Variants in SH3TC2 observed in about 807,000 individuals in gnomAD.
SH3TC2 encodes the protein SH3 domain and tetratricopeptide repeats 2, also known as SH3 domain and tetratricopeptide repeat-containing protein 2.
Under a neutral mutation model 124.5 loss-of-function variants are expected in SH3TC2, and 87 were observed. That is an observed-to-expected ratio of 0.70 (90% CI 0.59 to 0.84). The LOEUF (loss-of-function observed/expected upper bound fraction) is 0.84. SH3TC2 is among the 40% of genes least tolerant of loss of function. SH3TC2 has a pLI of 0.00. For synonymous variants in SH3TC2, 634 were observed against 628.5 expected (o/e 1.01, Z -0.13); for missense variants, 1,536 against 1,566.4 (o/e 0.98, Z 0.33).
intron 12 of SH3TC2, among the ~76,000 whole-genome samples, chr5:149,018,967 C>A (rs1260518728): frequency 1.3e-5 from 2 of 152,242 alleles, no homozygotes; most frequent in Non-Finnish European, 2.9e-5. Context: ...CAGAAGCCTG[C>A]CACTTCTTCC....
intron 9 of SH3TC2, among the ~76,000 whole-genome samples, chr5:149,029,136 C>G (rs568774147): frequency 6.6e-6 from 1 of 152,250 alleles, no homozygotes; most frequent in Non-Finnish European, 1.5e-5. Flanking sequence ...GCACAGAACA[C>G]GTGGGAGCAC....
rs1369676482 is a variant in SH3TC2 at position 148,986,532 on chromosome 5, G to A, written c.*18179C>T. Among the ~76,000 whole-genome samples, 1 of 152,172 alleles carries A rather than the reference G, an allele frequency of 6.6e-6. No individual in the cohort carries two copies. Among genetic ancestry groups the A allele is most frequent in the African/African-American group, 2.4e-5 (1 of 41,434 alleles). On this transcript the variant is annotated 3_prime_UTR_variant, in exon 17 of 17. Transcript: ENST00000515425. The stretch of plus-strand genomic sequence containing the variant: ...ACCCTTTGTGAGTTAAGATCTGCCA[G>A]GGTAGCAACCTCCATCAACTACATT...
chr5:149,012,841 A>C, intron 12 of SH3TC2, 107 bp from the exon 13 acceptor site: 13 of 1,268,406 alleles, frequency 1.0e-5, no homozygotes, highest in Non-Finnish European at 1.5e-5. Flanking sequence ...CATGTCCCAC[A>C]TCACACAGGG....
rs148831039 is a variant in SH3TC2 at position 149,006,940 on chromosome 5, C to T, written c.3616G>A (p.Ala1206Thr). 35 of 1,613,994 alleles carry T rather than the reference C, an allele frequency of 2.2e-5. No individual in the cohort carries two copies. Among genetic ancestry groups the T allele is most frequent in the Non-Finnish European group, 3.0e-5 (35 of 1,180,026 alleles). Residue 1206 changes from alanine (A) to threonine (T), a missense_variant, in exon 16 of 17, where the codon GCC becomes ACC. Transcript: ENST00000515425. The part of the protein sequence containing the change: ...CPPWLQSPKE[A>T]LYYAKVYYRL... ...TAATACACCTTGGCATAGTACAGGG[C>T]CTCCTTGGGACTCTGCAGCCATGGT...
At chr5:149,034,527 A>C in intron 8 of SH3TC2, 1 of 399,974 alleles carries the variant, frequency 2.5e-6, no homozygotes, top group South Asian at 1.9e-5. Context: ...AGTCCTGAGC[A>C]AAATAAATAA....
At chr5:149,033,563 C>T (rs915766961) in intron 8 of SH3TC2, among the ~76,000 whole-genome samples, 2 of 152,208 alleles carry the variant, frequency 1.3e-5, no homozygotes, top group African/African-American at 4.8e-5. Context: ...GGTTGACCTT[C>T]TAATGCCCAC....
In SH3TC2 at chr5:148,986,653, C is replaced by T. The variant is rs1213849041; in HGVS notation, c.*18058G>A. Among the ~76,000 whole-genome samples the T allele has an allele frequency of 2.0e-5, 3 of 152,276 alleles. 1 individual carries two copies. Among genetic ancestry groups the T allele is most frequent in the South Asian group, 4.1e-4 (2 of 4,820 alleles). On this transcript the variant is annotated 3_prime_UTR_variant, in exon 17 of 17. Transcript: ENST00000515425. ...TATTCATACACAACAGGTTTGAGTA[C>T]ATGACAGATACCTTTTTTGACAAAT...
At chr5:149,032,235 T>C (rs918547536) in intron 8 of SH3TC2, among the ~76,000 whole-genome samples, 4 of 152,248 alleles carry the variant, frequency 2.6e-5, no homozygotes, top group South Asian at 2.1e-4. Context: ...AACAGTTTAG[T>C]CAACATTAAG....
At chr5:149,040,506 C>A (rs903197803) in intron 7 of SH3TC2, 98 bp downstream of exon 7, 3 of 1,170,922 alleles carry the variant, frequency 2.6e-6, no homozygotes, top group African/African-American at 1.5e-5. Flanking sequence ...AGAGACGAGA[C>A]AAAAATTCAC....
rs961675373 is a variant in SH3TC2 at position 149,037,837 on chromosome 5, A to G, written c.1001+458T>C. 2.0e-5 allele frequency among the ~76,000 whole-genome samples: 3 copies of G among 152,218 alleles called. 1 individual carries two copies. The highest frequency in any genetic ancestry group is 4.1e-4 in the South Asian group (2 of 4,826). On this transcript the variant is annotated intron_variant, in intron 8 of 16. Coordinates refer to ENST00000515425, the MANE Select transcript of SH3TC2 (RefSeq NM_024577.4). Reference sequence around the variant, plus strand: ...GAGAAACACTCTGCCCTCCTAGCCAATGCTGAAGTCACACATTGGCATTCA... The same window carrying G: ...GAGAAACACTCTGCCCTCCTAGCCAGTGCTGAAGTCACACATTGGCATTCA...
At chr5:149,031,762 G>A in intron 8 of SH3TC2, 75 bp from the exon 9 acceptor site, 1 of 1,586,176 alleles carries the variant, frequency 6.3e-7, no homozygotes, top group Non-Finnish European at 8.6e-7. Flanking sequence ...CTCCACACTA[G>A]GATGTAGTGG....
In SH3TC2 at chr5:148,998,100, AT is replaced by A; in HGVS notation, c.*6610del. Among the ~76,000 whole-genome samples, 1 of 152,130 alleles carries A rather than the reference AT, an allele frequency of 6.6e-6. No homozygotes were observed. Among genetic ancestry groups the A allele is most frequent in the South Asian group, 2.1e-4 (1 of 4,828 alleles). ...TCATTTGGTGAGTCATAAATTTGAT[AT>A]TTTTTAACTAGAATAGAATGTTTTT... On this transcript the variant is annotated 3_prime_UTR_variant, in exon 17 of 17. Transcript: ENST00000515425.
In SH3TC2 at chr5:148,986,412, G is replaced by A. The variant is rs147903089; in HGVS notation, c.*18299C>T. ...TAAATGATAGACTTAGTGAGAAAAC[G>A]GAAGCCCTGGAAAGCCAAGGTAACC... On this transcript the variant is annotated 3_prime_UTR_variant, in exon 17 of 17. Coordinates refer to ENST00000515425, the MANE Select transcript of SH3TC2 (RefSeq NM_024577.4). Among the ~76,000 whole-genome samples, 2,515 of 152,188 alleles carry A rather than the reference G, an allele frequency of 0.017. 35 individuals carry two copies. The highest frequency in any genetic ancestry group is 0.034 in the South Asian group (164 of 4,816).
In SH3TC2 at chr5:149,019,917, T is replaced by C. The variant is rs147647659; in HGVS notation, c.3053+6655A>G. 2.9e-3 allele frequency among the ~76,000 whole-genome samples: 449 copies of C among 152,274 alleles called. 2 individuals carry two copies. Among genetic ancestry groups the C allele is most frequent in the African/African-American group, 0.01 (430 of 41,538 alleles). ...CCAAAGTTCCATCCCCAGAGAACTG[T>C]TACTGTTTGATCTGTTTGGAAGTTC... On this transcript the variant is annotated intron_variant, in intron 12 of 16. Transcript: ENST00000515425.
In SH3TC2 at chr5:148,988,667, A is replaced by G. The variant is rs1231006711; in HGVS notation, c.*16044T>C. Among the ~76,000 whole-genome samples, 1 of 152,210 alleles carries G rather than the reference A, an allele frequency of 6.6e-6. No homozygotes were observed. Among genetic ancestry groups the G allele is most frequent in the African/African-American group, 2.4e-5 (1 of 41,460 alleles). ...GGAAGCCATCTTCGATGCCCAGCCC[A>G]GAGGAGCCTTTGATGACTCCAGCTC... On this transcript the variant is annotated 3_prime_UTR_variant, in exon 17 of 17. Transcript: ENST00000515425.
intron 16 of SH3TC2, 134 bp downstream of exon 16, chr5:149,006,747 C>T (rs1459388183): frequency 1.1e-6 from 1 of 917,546 alleles, no homozygotes; most frequent in Non-Finnish European, 1.8e-6. Context: ...ACTCCTCACC[C>T]TATGAGACAA....
rs557291857 is a variant in SH3TC2, at chr5:148,983,703, C to T, written c.*21008G>A. ...TAGCCCTGAATTCAGATGTCCCAGA[C>T]TGGTCAAATAATGGTATTCTACTTC... On this transcript the variant is annotated 3_prime_UTR_variant, in exon 17 of 17. Transcript: ENST00000515425. Among the ~76,000 whole-genome samples the T allele has an allele frequency of 3.3e-5, 5 of 152,236 alleles. No homozygotes were observed. The highest frequency in any genetic ancestry group is 7.4e-5 in the Non-Finnish European group (5 of 68,014).
At chr5:149,038,189 T>A in intron 8 of SH3TC2, 106 bp downstream of exon 8, 2 of 1,058,266 alleles carry the variant, frequency 1.9e-6, no homozygotes, top group South Asian at 1.4e-5. Context: ...TCTGGCTCCA[T>A]GTCACCAGGG....
At chr5:149,017,717 G>T (rs1165474610) in intron 12 of SH3TC2, among the ~76,000 whole-genome samples, 1 of 152,174 alleles carries the variant, frequency 6.6e-6, no homozygotes, top group East Asian at 1.9e-4. Context: ...TGAAAAACGA[G>T]GCCCCTCCAT....
Sources: gnomAD v4.1 joint callset for allele counts (sites outside exome capture counted in the v4.1 genomes callset) on GRCh38, gnomAD v4.1.1 for gene constraint, MANE v1.5 for transcripts, NCBI Gene and HGNC (gene_info 2026-07-23, HGNC 2026-07-21) for gene names.